ERBIN: variants seen among roughly 807,000 people sequenced by gnomAD.
ERBIN encodes densin-180-like protein.
In ERBIN, 60 loss-of-function variants were observed where a neutral mutation model predicts 158.4. That is an observed-to-expected ratio of 0.38 (90% CI 0.31 to 0.47). The LOEUF (loss-of-function observed/expected upper bound fraction) is 0.47, where lower values mean the gene tolerates loss of function less well. Among genes scored for constraint, ERBIN ranks in the 20% least tolerant of loss-of-function variants. ERBIN has a pLI of 0.99. For missense variants in ERBIN, 1,610 were observed against 1,648.0 expected, an observed-to-expected ratio of 0.98 and a Z score of 0.40; for synonymous variants, 594 against 557.2, an observed-to-expected ratio of 1.07 and a Z score of -0.93.
At chr5:66,065,506 G>C (rs1299171287) in intron 21 of ERBIN, among the ~76,000 whole-genome samples, 1 of 151,898 alleles carries the variant, frequency 6.6e-6, no homozygotes, top group African/African-American at 2.4e-5. Context: ...ACCTAGGTAA[G>C]TGGTTTTCAA....
At chr5:65,977,775 A>C (rs1161375739) in intron 1 of ERBIN, among the ~76,000 whole-genome samples, 2 of 152,188 alleles carry the variant, frequency 1.3e-5, no homozygotes, top group Non-Finnish European at 2.9e-5. Flanking sequence ...CAGAGGCTGC[A>C]ATCTCGGCAC....
chr5:66,031,781 A>G (rs1021854753), intron 14 of ERBIN, among the ~76,000 whole-genome samples: 2 of 152,328 alleles, frequency 1.3e-5, no homozygotes, highest in Admixed American at 6.5e-5. Flanking sequence ...ATAGTGAGCT[A>G]TGAGCATGCC....
intron 21 of ERBIN, among the ~76,000 whole-genome samples, chr5:66,065,002 A>G (rs1314569750): frequency 1.3e-5 from 2 of 152,168 alleles, no homozygotes; most frequent in African/African-American, 4.8e-5. Context: ...GCCCTGCCAA[A>G]TCAATATTTT....
chr5:66,037,332 A>G (rs1226693824), intron 14 of ERBIN, among the ~76,000 whole-genome samples: 1 of 151,994 alleles, frequency 6.6e-6, no homozygotes, highest in Admixed American at 6.6e-5. Flanking sequence ...AAGGAAAAGG[A>G]ATTTAAATCT....
At chr5:65,937,638 G>C (rs1744239205) in intron 1 of ERBIN, among the ~76,000 whole-genome samples, 1 of 152,206 alleles carries the variant, frequency 6.6e-6, no homozygotes, top group South Asian at 2.1e-4. Context: ...GCCGGGTGCG[G>C]TGGCTCATGC....
At chr5:66,005,349 A>C (rs552842150) in intron 4 of ERBIN, among the ~76,000 whole-genome samples, 3 of 152,286 alleles carry the variant, frequency 2.0e-5, no homozygotes, top group African/African-American at 4.8e-5. Context: ...TGGGAGTTGT[A>C]ATTTTTAATA....
intron 21 of ERBIN, 70 bp from the exon 22 acceptor site, chr5:66,072,094 TCTCTC>T: frequency 1.4e-6 from 2 of 1,464,068 alleles, no homozygotes; most frequent in East Asian, 5.1e-5. Context: ...TTCCTAATCT[TCTCTC>T]AAGTGTCATC....
intron 1 of ERBIN, among the ~76,000 whole-genome samples, chr5:65,969,979 T>C (rs1321909096): frequency 6.6e-6 from 1 of 152,214 alleles, no homozygotes; most frequent in Non-Finnish European, 1.5e-5. Flanking sequence ...AAACTTCAGA[T>C]GTTTCTCTTT....
chr5:66,016,857 C>T lies in ERBIN; in HGVS notation c.533+2132C>T, dbSNP rs554245788. Among the ~76,000 whole-genome samples the T allele has an allele frequency of 7.9e-5, 12 of 152,186 alleles. No homozygotes were observed. In the South Asian group the frequency reaches 1.2e-3, roughly 16 times the overall value. On this transcript the variant is annotated intron_variant, in intron 7 of 25. Coordinates refer to ENST00000284037, the MANE Select transcript of ERBIN (RefSeq NM_001253697.2). The stretch of plus-strand genomic sequence containing the variant: ...CTCGAACTCCTGGCCTCAAATGACC[C>T]GCCCTCCTCGGCTTCCCAGAGTGCT...
intron 4 of ERBIN, among the ~76,000 whole-genome samples, chr5:66,004,874 T>C (rs1753416326): frequency 6.6e-6 from 1 of 152,128 alleles, no homozygotes; most frequent in Non-Finnish European, 1.5e-5. Context: ...TGAGGACTGT[T>C]CCCGGGGTAA....
At chr5:65,934,487 G>T (rs140707534) in intron 1 of ERBIN, among the ~76,000 whole-genome samples, 1 of 152,040 alleles carries the variant, frequency 6.6e-6, no homozygotes, top group Non-Finnish European at 1.5e-5. Flanking sequence ...TTATTCTGTA[G>T]AATACCCCTC....
At chr5:65,943,790 G>C (rs1033109759) in intron 1 of ERBIN, among the ~76,000 whole-genome samples, 1 of 152,068 alleles carries the variant, frequency 6.6e-6, no homozygotes, top group South Asian at 2.1e-4. Context: ...CTTCACCACT[G>C]TTCATCTCCA....
At chr5:65,967,520 G>A (rs556641811) in intron 1 of ERBIN, among the ~76,000 whole-genome samples, 3 of 152,252 alleles carry the variant, frequency 2.0e-5, no homozygotes, top group South Asian at 2.1e-4. Context: ...CATGCGGTAC[G>A]TGTTCTTAGT....
intron 1 of ERBIN, among the ~76,000 whole-genome samples, chr5:65,965,097 A>G (rs1748414196): frequency 6.6e-6 from 1 of 151,692 alleles, no homozygotes; most frequent in Non-Finnish European, 1.5e-5. Flanking sequence ...GGCCAGAACA[A>G]TCTTTTAAAA....
At chr5:65,942,238 T>C (rs1205126492) in intron 1 of ERBIN, among the ~76,000 whole-genome samples, 1 of 152,238 alleles carries the variant, frequency 6.6e-6, no homozygotes, top group African/African-American at 2.4e-5. Context: ...TAATTTAGCT[T>C]ATTAATGACA....
At chr5:65,973,421 T>C (rs1441007078) in intron 1 of ERBIN, among the ~76,000 whole-genome samples, 2 of 149,522 alleles carry the variant, frequency 1.3e-5, no homozygotes, top group African/African-American at 5.0e-5. Flanking sequence ...AATAATAAAA[T>C]AAATTAAAAA....
At chr5:66,018,034 T>C (rs1561378978) in intron 7 of ERBIN, among the ~76,000 whole-genome samples, 1 of 152,088 alleles carries the variant, frequency 6.6e-6, no homozygotes, top group Non-Finnish European at 1.5e-5. Context: ...TTCCTTTCCA[T>C]TGGTCTGTGT....
intron 18 of ERBIN, among the ~76,000 whole-genome samples, chr5:66,047,200 A>G (rs1758528977): frequency 6.6e-6 from 1 of 152,100 alleles, no homozygotes; most frequent in African/African-American, 2.4e-5. Flanking sequence ...CCTATTCTTG[A>G]CATTTCATTT....
chr5:66,056,747 T>C (rs1325456134), intron 21 of ERBIN, among the ~76,000 whole-genome samples: 1 of 152,122 alleles, frequency 6.6e-6, no homozygotes, highest in African/African-American at 2.4e-5. Context: ...ACTCCCATTT[T>C]CAAGGATATC....
Sources: gnomAD v4.1 joint callset for allele counts (sites outside exome capture counted in the v4.1 genomes callset) on GRCh38, gnomAD v4.1.1 for gene constraint, MANE v1.5 for transcripts, NCBI Gene and HGNC (gene_info 2026-07-23, HGNC 2026-07-21) for gene names.